The following CDC27 variants were observed in gnomAD, a reference collection of about 807,000 sequenced individuals.
CDC27 encodes the protein cell division cycle 27.
In CDC27, 27 loss-of-function variants were observed where a neutral mutation model predicts 109.7. The observed-to-expected ratio is 0.25, with a 90% CI of 0.18 to 0.34. The LOEUF (loss-of-function observed/expected upper bound fraction) is 0.34. Ranked by LOEUF, CDC27 falls within the 10% of genes least tolerant of loss-of-function variation. CDC27 has a pLI of 1.00. For synonymous variants in CDC27, 266 were observed against 333.9 expected (o/e 0.80, Z 2.22); for missense variants, 579 against 960.2 (o/e 0.60, Z 5.25).
intron 3 of CDC27, among the ~76,000 whole-genome samples, chr17:47,171,556 T>C (rs943156194): frequency 6.6e-6 from 1 of 152,240 alleles, no homozygotes; most frequent in African/African-American, 2.4e-5. Context: ...AAGGAAACTA[T>C]ACAATCACCT....
chr17:47,137,120 C>T (rs144880397), intron 14 of CDC27, 32 bp downstream of exon 14: 21 of 1,358,298 alleles, frequency 1.5e-5, no homozygotes, highest in African/African-American at 4.4e-5. Context: ...ACCATCAATA[C>T]GACTTTGTCT....
chr17:47,176,500 AAT>A (rs1322878244), intron 2 of CDC27, among the ~76,000 whole-genome samples: 3 of 152,212 alleles, frequency 2.0e-5, no homozygotes, highest in African/African-American at 7.2e-5. Flanking sequence ...AAAGACCACA[AAT>A]AAAAGAGGGC....
At chr17:47,153,922 A>C (rs2063221454) in intron 8 of CDC27, among the ~76,000 whole-genome samples, 1 of 151,968 alleles carries the variant, frequency 6.6e-6, no homozygotes, top group Non-Finnish European at 1.5e-5. Context: ...GTCTCTACAA[A>C]AATAAAAGTT....
At position 47,179,132 on chromosome 17, in the gene CDC27, G is replaced by A. The variant is rs114423133; in HGVS notation, c.103+2430C>T. 1.9e-3 allele frequency among the ~76,000 whole-genome samples: 294 copies of A among 151,804 alleles called. 1 individual carries two copies. The highest frequency in any genetic ancestry group is 5.3e-3 in the African/African-American group (220 of 41,532). ...CAGTCTCAGGCCGACTATAAATCTC[G>A]AGAGAAAGACAAATGGGCGACAAAG... is the stretch of plus-strand genomic sequence containing the variant. On this transcript the variant is annotated intron_variant, in intron 2 of 18. Coordinates refer to ENST00000066544, the MANE Select transcript of CDC27 (RefSeq NM_001256.6).
Position 47,170,049 on chromosome 17 carries a change from A to G in CDC27, c.252-7T>C. On this transcript the variant is annotated splice_region_variant and splice_polypyrimidine_tract_variant and intron_variant, in intron 3 of 18. Coordinates refer to ENST00000066544, the MANE Select transcript of CDC27 (RefSeq NM_001256.6). The stretch of plus-strand genomic sequence containing the variant: ...TTGTTCCCCTTCTGCAAGCCTTTAA[A>G]ATACAAATTTAAAGATTTTTAAAAA... 1 of 1,497,676 alleles carries G rather than the reference A, an allele frequency of 6.7e-7. No individual in the cohort carries two copies. The highest frequency in any genetic ancestry group is 8.9e-7 in the Non-Finnish European group (1 of 1,125,592). 92.8% of individuals were successfully genotyped at this position (1,497,676 alleles called of 1,614,324 possible).
chr17:47,160,987 T>C (rs891390708), intron 4 of CDC27: 4 of 151,994 alleles, frequency 2.6e-5, no homozygotes, highest in Admixed American at 6.6e-5. Flanking sequence ...AGAAGTAGGA[T>C]GCAGACTTTT....
At chr17:47,157,870 T>C (rs537422419) in intron 5 of CDC27, among the ~76,000 whole-genome samples, 1 of 152,204 alleles carries the variant, frequency 6.6e-6, no homozygotes, top group African/African-American at 2.4e-5. Flanking sequence ...GTTTCAGGCA[T>C]TTATTAATTG....
At chr17:47,160,112 T>C (rs2063453548) in intron 4 of CDC27, 1 of 181,316 alleles carries the variant, frequency 5.5e-6, no homozygotes, top group East Asian at 1.8e-4. Flanking sequence ...AAATTTATGT[T>C]TCTTTCTAAA....
At chr17:47,176,775 G>A (rs1452195089) in intron 2 of CDC27, among the ~76,000 whole-genome samples, 1 of 152,168 alleles carries the variant, frequency 6.6e-6, no homozygotes, top group Non-Finnish European at 1.5e-5. Context: ...AGTTTGATGT[G>A]TCTGTGAAAC....
In CDC27 at chr17:47,123,196, AT is replaced by A. The variant is rs568440184; in HGVS notation, c.2236-597del. Reference sequence around the variant, plus strand: ...CAATGATAATGGGATTAAATGGATTATAAACTGCTTAATTAACTTTCATTTA... The same window carrying A: ...CAATGATAATGGGATTAAATGGATTAAAACTGCTTAATTAACTTTCATTTA... On this transcript the variant is annotated intron_variant, in intron 17 of 18. Transcript: ENST00000066544. 4.4e-3 allele frequency among the ~76,000 whole-genome samples: 665 copies of A among 152,254 alleles called. 8 individuals carry two copies. Among genetic ancestry groups the A allele is most frequent in the African/African-American group, 0.015 (635 of 41,532 alleles).
chr17:47,137,005 A>C, intron 14 of CDC27, 147 bp downstream of exon 14: 1 of 419,032 alleles, frequency 2.4e-6, no homozygotes, highest in South Asian at 8.3e-5. Context: ...ATAAGAAAAC[A>C]TTTTAGTTAG....
Position 47,156,885 on chromosome 17 carries a change from A to T in CDC27, c.842+28T>A, listed in dbSNP as rs376607788. On this transcript the variant is annotated intron_variant, in intron 7 of 18. Coordinates refer to ENST00000066544, the MANE Select transcript of CDC27 (RefSeq NM_001256.6). Reference sequence around the variant, plus strand: ...TCATAAGATCATTTGGTATTATAGCACATTTGAAAGTATCTTGTTTGACTT... The same window carrying T: ...TCATAAGATCATTTGGTATTATAGCTCATTTGAAAGTATCTTGTTTGACTT... 19 of 757,696 alleles carry T rather than the reference A, an allele frequency of 2.5e-5. No individual in the cohort carries two copies. In the African/African-American group the frequency reaches 3.2e-4, roughly 13 times the overall value. 46.9% of individuals were successfully genotyped at this position (757,696 alleles called of 1,614,324 possible). A position where few individuals can be genotyped will look rare whatever the true frequency, so the allele number is the denominator to read the frequency against.
At position 47,117,924 on chromosome 17, in the gene CDC27, T is replaced by C. The variant is rs559212170; in HGVS notation, c.*3011A>G. On this transcript the variant is annotated 3_prime_UTR_variant, in exon 19 of 19. Coordinates refer to ENST00000066544, the MANE Select transcript of CDC27 (RefSeq NM_001256.6). ...ATAGCTTTAACAACTTGATTATAAA[T>C]TGCTTTCAAAAGTAACTTATTTGGA... 2 of 152,328 alleles carry C rather than the reference T, an allele frequency of 1.3e-5. No homozygotes were observed. Among genetic ancestry groups the C allele is most frequent in the African/African-American group, 4.8e-5 (2 of 41,580 alleles). The allele number at this position is 152,328 out of a possible 1,614,324, so 9.4% of individuals were successfully genotyped here. A position where few individuals can be genotyped will look rare whatever the true frequency, so the allele number is the denominator to read the frequency against.
intron 1 of CDC27, among the ~76,000 whole-genome samples, chr17:47,185,926 ATT>A (rs1446772295): frequency 6.6e-6 from 1 of 152,218 alleles, no homozygotes; most frequent in African/African-American, 2.4e-5. Flanking sequence ...TCTAGAGGGT[ATT>A]TTTGGTTGTC....
intron 2 of CDC27, among the ~76,000 whole-genome samples, chr17:47,176,362 C>T (rs1347007212): frequency 6.6e-6 from 1 of 152,028 alleles, no homozygotes; most frequent in African/African-American, 2.4e-5. Flanking sequence ...CATATGAATA[C>T]TATTCTCAAT....
At chr17:47,177,856 G>A (rs942321278) in intron 2 of CDC27, among the ~76,000 whole-genome samples, 6 of 135,272 alleles carry the variant, frequency 4.4e-5, no homozygotes, top group Non-Finnish European at 7.9e-5. Flanking sequence ...ATATGTGTGT[G>A]TACACACACA....
chr17:47,147,669 A>C (rs897016230), intron 9 of CDC27, among the ~76,000 whole-genome samples: 1 of 152,100 alleles, frequency 6.6e-6, no homozygotes, highest in Non-Finnish European at 1.5e-5. Flanking sequence ...CCGGAGGTCA[A>C]GATCTGCCTG....
intron 12 of CDC27, among the ~76,000 whole-genome samples, chr17:47,141,623 A>G (rs1215724744): frequency 2.6e-5 from 4 of 152,186 alleles, no homozygotes; most frequent in Non-Finnish European, 4.4e-5. Context: ...GAATGTCTGG[A>G]TGACTTGGGT....
chr17:47,181,625 G>A lies in CDC27; in HGVS notation c.40C>T (p.Gln14Ter). Residue 14 changes from glutamine to a stop codon, truncating the protein, a stop_gained, in exon 2 of 19, where the codon CAA becomes TAA. Transcript: ENST00000066544. LOFTEE classifies it high-confidence loss of function. ...CGGTAAGCATAGTGGTTTAGTGCTT[G>A]CCATATAGCAGCCTGCAAATGGAGG... is the stretch of plus-strand genomic sequence containing the variant. Reference protein sequence around the residue: ...LQEPVQAAIWQALNHYAYRDA... With the variant: ...LQEPVQAAIW 1 of 1,600,648 alleles carries A rather than the reference G, an allele frequency of 6.2e-7. No individual in the cohort carries two copies. Among genetic ancestry groups the A allele is most frequent in the Non-Finnish European group, 8.5e-7 (1 of 1,169,678 alleles).
Sources: allele counts gnomAD v4.1 joint callset (sites outside exome capture counted in the v4.1 genomes callset), GRCh38; gene constraint gnomAD v4.1.1; transcripts MANE v1.5; gene names NCBI Gene and HGNC (gene_info 2026-07-23, HGNC 2026-07-21).